PTPRD: variants seen among roughly 807,000 people sequenced by gnomAD.
PTPRD encodes protein tyrosine phosphatase receptor type D, also known as receptor-type tyrosine-protein phosphatase delta.
A neutral mutation model predicts 214.5 loss-of-function variants in PTPRD; 34 were observed. The observed-to-expected ratio is 0.16, with a 90% CI of 0.12 to 0.21. The LOEUF is 0.21. Ranked by LOEUF, PTPRD falls within the 10% of genes least tolerant of loss-of-function variation. The pLI, the probability that PTPRD is intolerant of heterozygous loss-of-function variation, is 1.00. For synonymous variants in PTPRD, 1,128 were observed against 845.7 expected, an observed-to-expected ratio of 1.33 and a Z score of -5.79; for missense variants, 2,545 against 2,398.7, an observed-to-expected ratio of 1.06 and a Z score of -1.27.
rs1026772924 is a variant in PTPRD, at chr9:9,751,834, G to A, written c.-326+14976C>T. Among the ~76,000 whole-genome samples, 4 of 151,984 alleles carry A rather than the reference G, an allele frequency of 2.6e-5. 1 individual carries two copies. Among genetic ancestry groups the A allele is most frequent in the Admixed American group, 1.3e-4 (2 of 15,238 alleles). ...AGTTTGTACTACTTTGCAATAGCAG[G>A]CTCAGAAAACTGACACACTACTCAA... On this transcript the variant is annotated intron_variant, in intron 6 of 45. Coordinates refer to ENST00000381196, the MANE Select transcript of PTPRD (RefSeq NM_002839.4).
chr9:9,677,729 C>A (rs1316141004), intron 7 of PTPRD, among the ~76,000 whole-genome samples: 3 of 151,910 alleles, frequency 2.0e-5, no homozygotes, highest in African/African-American at 7.3e-5. Flanking sequence ...GGCTATCAGG[C>A]AGGAGAAGGA....
intron 5 of PTPRD, among the ~76,000 whole-genome samples, chr9:9,867,807 T>C (rs1274937756): frequency 2.6e-5 from 4 of 152,128 alleles, no homozygotes; most frequent in Non-Finnish European, 5.9e-5. Flanking sequence ...CTCCATGGTA[T>C]AAAAGCATGG....
intron 11 of PTPRD, among the ~76,000 whole-genome samples, chr9:9,004,061 T>A (rs756347172): frequency 6.6e-5 from 10 of 152,086 alleles, no homozygotes; most frequent in Non-Finnish European, 1.5e-4. Flanking sequence ...CTCCTTTAGA[T>A]AAATCTTTTT....
chr9:8,737,132 G>C (rs1439134774), intron 11 of PTPRD, among the ~76,000 whole-genome samples: 1 of 152,198 alleles, frequency 6.6e-6, no homozygotes, highest in Non-Finnish European at 1.5e-5. Flanking sequence ...CTCAGCTGAA[G>C]TGCATAAGAA....
At chr9:9,194,139 T>A (rs574613422) in intron 9 of PTPRD, among the ~76,000 whole-genome samples, 198 of 152,226 alleles carry the variant, frequency 1.3e-3, no homozygotes, top group Non-Finnish European at 2.2e-3. Context: ...ATCATCAGTA[T>A]CACTGTCTTC....
intron 7 of PTPRD, among the ~76,000 whole-genome samples, chr9:9,618,397 A>C (rs918115389): frequency 2.6e-5 from 4 of 152,056 alleles, no homozygotes; most frequent in African/African-American, 7.2e-5. Context: ...GAAAAAAAAA[A>C]CAATAATATA....
intron 8 of PTPRD, among the ~76,000 whole-genome samples, chr9:9,541,946 T>C (rs1205145871): frequency 6.6e-6 from 1 of 151,638 alleles, no homozygotes; most frequent in Non-Finnish European, 1.5e-5. Flanking sequence ...AGAAAGAAGT[T>C]AGCAGAATAA....
At chr9:8,764,428 G>A (rs1371705644) in intron 11 of PTPRD, among the ~76,000 whole-genome samples, 1 of 152,068 alleles carries the variant, frequency 6.6e-6, no homozygotes, top group Non-Finnish European at 1.5e-5. Flanking sequence ...TAAAACATCT[G>A]GAATTTAGGC....
intron 32 of PTPRD, among the ~76,000 whole-genome samples, chr9:8,463,032 G>A (rs893316573): frequency 6.6e-6 from 1 of 151,870 alleles, no homozygotes; most frequent in Non-Finnish European, 1.5e-5. Context: ...CAAGACATCA[G>A]TATATATGCT....
chr9:9,165,183 G>C (rs961203782), intron 10 of PTPRD, among the ~76,000 whole-genome samples: 14 of 151,988 alleles, frequency 9.2e-5, no homozygotes, highest in African/African-American at 3.4e-4. Flanking sequence ...ATGTGAATAA[G>C]AATTGTTCTT....
At chr9:9,381,339 T>G (rs2140313475) in intron 9 of PTPRD, among the ~76,000 whole-genome samples, 1 of 152,108 alleles carries the variant, frequency 6.6e-6, no homozygotes, top group Middle Eastern at 3.4e-3. Context: ...TTTCTCTCTT[T>G]TCTTAGTACA....
intron 35 of PTPRD, among the ~76,000 whole-genome samples, chr9:8,421,355 C>CTCTCTTCTCTTCTCTTCTCTTCTCT (rs370049246): frequency 5.8e-4 from 87 of 149,296 alleles, no homozygotes; most frequent in Admixed American, 1.0e-3. Flanking sequence ...CTTTCTTCTT[C>CTCTCTTCTCTTCTCTTCTCTTCTCT]TCTCTTCTCT....
chr9:9,186,625 TCTCTCC>T (rs1291331414), intron 9 of PTPRD, among the ~76,000 whole-genome samples: 1 of 58,264 alleles, frequency 1.7e-5, no homozygotes, highest in African/African-American at 6.5e-5. Context: ...TCTCTCTCTG[TCTCTCC>T]CTCTCTCTCT....
intron 14 of PTPRD, among the ~76,000 whole-genome samples, chr9:8,612,112 GAAAACAAAAC>G (rs572591510): frequency 2.4e-4 from 37 of 151,368 alleles, no homozygotes; most frequent in Admixed American, 8.5e-4. Flanking sequence ...GAAAAGAAAA[GAAAACAAAAC>G]AAAACAAAAC....
At chr9:9,537,306 T>C (rs955653713) in intron 8 of PTPRD, among the ~76,000 whole-genome samples, 1 of 151,962 alleles carries the variant, frequency 6.6e-6, no homozygotes, top group Admixed American at 6.6e-5. Context: ...ATCTTTTAAG[T>C]AGTGGAGTTG....
At chr9:8,376,751 A>AG (rs1196958219) in intron 37 of PTPRD, 25 bp from the exon 38 acceptor site, 3 of 1,612,026 alleles carry the variant, frequency 1.9e-6, no homozygotes, top group Non-Finnish European at 2.5e-6. Context: ...TGACACATTC[A>AG]GGGCAAATGC....
intron 11 of PTPRD, among the ~76,000 whole-genome samples, chr9:8,758,969 G>A (rs534304208): frequency 4.0e-5 from 6 of 151,446 alleles, no homozygotes; most frequent in African/African-American, 1.5e-4. Context: ...GCAGGCGTGA[G>A]CCACCGCACC....
chr9:9,579,841 T>C (rs973786011), intron 7 of PTPRD, among the ~76,000 whole-genome samples: 3 of 152,142 alleles, frequency 2.0e-5, no homozygotes, highest in Non-Finnish European at 4.4e-5. Context: ...TTTGTCATCA[T>C]TCATCTCCCT....
intron 10 of PTPRD, among the ~76,000 whole-genome samples, chr9:9,134,843 G>A (rs76376551): frequency 0.032 from 4,907 of 151,994 alleles, 167 homozygotes; most frequent in African/African-American, 0.07. Flanking sequence ...TATATTCCCA[G>A]CCCTTAAAAC....
Sources: allele counts gnomAD v4.1 joint callset (sites outside exome capture counted in the v4.1 genomes callset), GRCh38; gene constraint gnomAD v4.1.1; transcripts MANE v1.5; gene names NCBI Gene and HGNC (gene_info 2026-07-23, HGNC 2026-07-21).